The following DSCAML1 variants were observed in gnomAD, a reference collection of about 807,000 sequenced individuals.
DSCAML1 encodes DS cell adhesion molecule like 1.
Under a neutral mutation model 200.5 loss-of-function variants are expected in DSCAML1, and 38 were observed. That is an observed-to-expected ratio of 0.19 (90% confidence interval 0.15 to 0.25). The LOEUF is 0.25. Among genes scored for constraint, DSCAML1 ranks in the 10% least tolerant of loss-of-function variants. The pLI is 1.00. For synonymous variants in DSCAML1, 1,215 were observed against 1,165.0 expected, an observed-to-expected ratio of 1.04 and a Z score of -0.87; for missense variants, 2,223 against 2,858.8, an observed-to-expected ratio of 0.78 and a Z score of 5.07.
chr11:117,442,077 TG>T (rs1255405917), intron 21 of DSCAML1, among the ~76,000 whole-genome samples: 1 of 150,724 alleles, frequency 6.6e-6, no homozygotes, highest in Non-Finnish European at 1.5e-5. Context: ...GATGCGTGTT[TG>T]TGCACATGCA....
At chr11:117,681,571 C>T (rs2053313453) in intron 3 of DSCAML1, among the ~76,000 whole-genome samples, 1 of 152,134 alleles carries the variant, frequency 6.6e-6, no homozygotes, top group African/African-American at 2.4e-5. Flanking sequence ...CACTCCAGGG[C>T]TTTATTGAAT....
Position 117,516,103 on chromosome 11 carries a change from G to A in DSCAML1, c.1783+364C>T, listed in dbSNP as rs754955422. Among the ~76,000 whole-genome samples the A allele has an allele frequency of 6.6e-6, 1 of 152,136 alleles. No individual in the cohort carries two copies. Among genetic ancestry groups the A allele is most frequent in the Non-Finnish European group, 1.5e-5 (1 of 68,034 alleles). ...GCTTGTGGCCTCCTTGTGTGGGCCC[G>A]CTGAGCTCCTGGGGGCTCCATCCCA... is the stretch of plus-strand genomic sequence containing the variant. On this transcript the variant is annotated intron_variant, in intron 8 of 32. Transcript: ENST00000651296. The surrounding 1 kb of genome is among the most constrained non-coding windows in gnomAD (Gnocchi z 5.7).
At chr11:117,786,125 G>C (rs935881442) in intron 1 of DSCAML1, among the ~76,000 whole-genome samples, 1 of 152,102 alleles carries the variant, frequency 6.6e-6, no homozygotes, top group Non-Finnish European at 1.5e-5. Flanking sequence ...GACAGAACCA[G>C]GCATATTTAC....
At chr11:117,452,765 C>A (rs181288011) in intron 19 of DSCAML1, among the ~76,000 whole-genome samples, 322 of 152,176 alleles carry the variant, frequency 2.1e-3, no homozygotes, top group African/African-American at 7.5e-3. Flanking sequence ...TTGACTGTTA[C>A]ACAGTCTTTC....
intron 1 of DSCAML1, among the ~76,000 whole-genome samples, chr11:117,781,030 C>T (rs1327079244): frequency 2.0e-5 from 3 of 152,278 alleles, no homozygotes; most frequent in African/African-American, 7.2e-5. Flanking sequence ...GGTGCGGCGG[C>T]TCATGCCTGT....
intron 3 of DSCAML1, among the ~76,000 whole-genome samples, chr11:117,713,342 T>C (rs1331994607): frequency 6.6e-6 from 1 of 152,170 alleles, no homozygotes; most frequent in Non-Finnish European, 1.5e-5. Flanking sequence ...TCTTGAATGC[T>C]TGACCTCAGG....
At chr11:117,646,808 T>A (rs1444291014) in intron 3 of DSCAML1, among the ~76,000 whole-genome samples, 1 of 149,172 alleles carries the variant, frequency 6.7e-6, no homozygotes, top group African/African-American at 2.5e-5. Flanking sequence ...GGTATTAACG[T>A]CCCAAGAATA....
chr11:117,786,553 G>C (rs997541864), intron 1 of DSCAML1, among the ~76,000 whole-genome samples: 1 of 152,116 alleles, frequency 6.6e-6, no homozygotes, highest in Admixed American at 6.5e-5. Context: ...CTCGAGCCCC[G>C]TGTATGTGAC....
rs1373540739 is a variant in DSCAML1, at chr11:117,504,412, A to G, written c.2183-391T>C. 6.6e-6 allele frequency among the ~76,000 whole-genome samples: 1 copy of G among 152,174 alleles called. No homozygotes were observed. Among genetic ancestry groups the G allele is most frequent in the Non-Finnish European group, 1.5e-5 (1 of 68,012 alleles). On this transcript the variant is annotated intron_variant, in intron 10 of 32. Coordinates refer to ENST00000651296, the MANE Select transcript of DSCAML1 (RefSeq NM_020693.4). This position sits in a 1 kb window ranked among gnomAD's most constrained non-coding sequence, Gnocchi z 5.0. ...GGTCTCAGGCAACCAGGCCTGGGAG[A>G]GAGGCCAGCATCCTCCAAGGGGGCC... is the stretch of plus-strand genomic sequence containing the variant.
chr11:117,786,332 C>T (rs1030425441), intron 1 of DSCAML1, among the ~76,000 whole-genome samples: 8 of 152,214 alleles, frequency 5.3e-5, no homozygotes, highest in Non-Finnish European at 1.2e-4. Flanking sequence ...AGCACCACCC[C>T]GATGCTGTGT....
At chr11:117,645,693 T>C (rs2052507003) in intron 3 of DSCAML1, among the ~76,000 whole-genome samples, 1 of 134,710 alleles carries the variant, frequency 7.4e-6, no homozygotes, top group South Asian at 2.3e-4. Context: ...AGGTGGGAAT[T>C]GAACAATGAG....
chr11:117,542,154 C>G (rs1047643452), intron 3 of DSCAML1, among the ~76,000 whole-genome samples: 1 of 151,992 alleles, frequency 6.6e-6, no homozygotes, highest in African/African-American at 2.4e-5. Flanking sequence ...TACTAAAATA[C>G]AAAAATTAGC....
intron 8 of DSCAML1, among the ~76,000 whole-genome samples, chr11:117,506,999 C>T (rs758879024): frequency 1.0e-3 from 155 of 152,284 alleles, no homozygotes; most frequent in Middle Eastern, 3.4e-3. Flanking sequence ...GCAGCCTGCA[C>T]CCCCCTGCCA....
intron 3 of DSCAML1, among the ~76,000 whole-genome samples, chr11:117,724,257 A>G (rs997313643): frequency 3.9e-5 from 6 of 152,216 alleles, no homozygotes; most frequent in Admixed American, 1.3e-4. Context: ...CGCTGAGGCC[A>G]TAGGAGAAGT....
intron 3 of DSCAML1, among the ~76,000 whole-genome samples, chr11:117,767,541 A>G (rs2054920657): frequency 1.3e-5 from 2 of 152,196 alleles, no homozygotes; most frequent in South Asian, 4.1e-4. Context: ...TTTTCTCCAC[A>G]CTTCAAGGAA....
At chr11:117,428,845 C>G in intron 32 of DSCAML1, 42 bp from the exon 33 acceptor site, 1 of 1,522,092 alleles carries the variant, frequency 6.6e-7, no homozygotes, top group East Asian at 2.4e-5. Context: ...GAGTCATAGC[C>G]CTCTGGAAGC....
intron 3 of DSCAML1, among the ~76,000 whole-genome samples, chr11:117,736,830 A>G (rs143555408): frequency 6.6e-6 from 1 of 152,338 alleles, no homozygotes; most frequent in Non-Finnish European, 1.5e-5. Flanking sequence ...GAACAGAACA[A>G]CTGTGAATTG....
At chr11:117,815,153 G>A (rs1252719288) in intron 1 of DSCAML1, among the ~76,000 whole-genome samples, 1 of 152,208 alleles carries the variant, frequency 6.6e-6, no homozygotes, top group Non-Finnish European at 1.5e-5. Flanking sequence ...TGTATTTGCA[G>A]GGGCTGTGGG....
chr11:117,737,286 G>A (rs540279201), intron 3 of DSCAML1, among the ~76,000 whole-genome samples: 1 of 152,184 alleles, frequency 6.6e-6, no homozygotes, highest in Non-Finnish European at 1.5e-5. Context: ...GCTGTAAAAG[G>A]CTTTTCAGGA....
Sources: gnomAD v4.1 joint callset for allele counts (sites outside exome capture counted in the v4.1 genomes callset) on GRCh38, gnomAD v4.1.1 for gene constraint, Gnocchi (gnomAD v3.1) non-coding constraint, MANE v1.5 for transcripts, NCBI Gene and HGNC (gene_info 2026-07-23, HGNC 2026-07-21) for gene names.